The following NEDD9 variants were observed in gnomAD, a reference collection of about 807,000 sequenced individuals.
NEDD9 encodes the protein enhancer of filamentation 1.
Under a neutral mutation model 76.6 loss-of-function variants are expected in NEDD9, and 26 were observed. The observed-to-expected ratio is 0.34, with a 90% confidence interval of 0.25 to 0.47. NEDD9 has a LOEUF of 0.47. NEDD9 is among the 20% of genes least tolerant of loss of function. The pLI is 1.00. For missense variants in NEDD9, 937 were observed against 1,058.5 expected, an observed-to-expected ratio of 0.89 and a Z score of 1.59; for synonymous variants, 392 against 414.2, an observed-to-expected ratio of 0.95 and a Z score of 0.65.
upstream of NEDD9, chr6:11,233,437 C>T (rs1231162836): frequency 3.9e-6 from 2 of 518,902 alleles, no homozygotes; most frequent in East Asian, 5.4e-5. Flanking sequence ...TGGGGTTGGC[C>T]AGTGCACGCC....
At chr6:11,366,746 G>T (rs747286828) in intron 1 of NEDD9, among the ~76,000 whole-genome samples, 1 of 152,128 alleles carries the variant, frequency 6.6e-6, no homozygotes, top group Non-Finnish European at 1.5e-5. Flanking sequence ...ATGACTTAGG[G>T]GACCCAGGCT....
Position 11,185,361 on chromosome 6 carries a change from G to C in NEDD9, c.2306C>G (p.Ala769Gly). The C allele has an allele frequency of 1.2e-6, 2 of 1,614,210 alleles. No individual in the cohort carries two copies. Among genetic ancestry groups the C allele is most frequent in the Non-Finnish European group, 1.7e-6 (2 of 1,180,038 alleles). Reference sequence around the variant, plus strand: ...CATGACTTTGTTGCGAATGTCCTGGGCAGTCACCTGCCGTGTCAGCGTGTC... The same window carrying C: ...CATGACTTTGTTGCGAATGTCCTGGCCAGTCACCTGCCGTGTCAGCGTGTC... ...IGDTLTRQVT[A>G]QDIRNKVMNS... Residue 769 changes from alanine to glycine, a missense_variant, in exon 7 of 7, where the codon GCC becomes GGC. Transcript: ENST00000379446.
chr6:11,319,055 T>C (rs983924562), intron 2 of NEDD9, among the ~76,000 whole-genome samples: 1 of 152,270 alleles, frequency 6.6e-6, no homozygotes, highest in Non-Finnish European at 1.5e-5. Context: ...TTTATAATGC[T>C]TTTGTTATAA....
At chr6:11,322,182 C>T (rs946906071) in intron 2 of NEDD9, among the ~76,000 whole-genome samples, 3 of 151,976 alleles carry the variant, frequency 2.0e-5, no homozygotes, top group South Asian at 2.1e-4. Context: ...GTTGGTGGGC[C>T]GGGGGCAAGG....
chr6:11,322,881 G>A (rs1380615573), intron 2 of NEDD9, among the ~76,000 whole-genome samples: 3 of 152,176 alleles, frequency 2.0e-5, no homozygotes, highest in Non-Finnish European at 4.4e-5. Flanking sequence ...TGATAGAAAA[G>A]GTCTTAGACC....
chr6:11,239,721 A>G (rs985011981), intron 3 of NEDD9, among the ~76,000 whole-genome samples: 3 of 151,996 alleles, frequency 2.0e-5, no homozygotes, highest in African/African-American at 7.3e-5. Context: ...AATACATTCT[A>G]TTTTCTGAAA....
At chr6:11,247,212 A>G (rs1759828504) in intron 3 of NEDD9, among the ~76,000 whole-genome samples, 5 of 152,164 alleles carry the variant, frequency 3.3e-5, no homozygotes, top group Admixed American at 3.3e-4. Flanking sequence ...TCCTCCCTGC[A>G]TACTCAGCTC....
chr6:11,308,952 A>T (rs762919145), intron 2 of NEDD9, among the ~76,000 whole-genome samples: 1 of 152,248 alleles, frequency 6.6e-6, no homozygotes, highest in Non-Finnish European at 1.5e-5. Context: ...TTTGTATATA[A>T]GCAAAGCAGC....
intron 3 of NEDD9, among the ~76,000 whole-genome samples, chr6:11,276,987 A>G (rs1760431212): frequency 6.7e-6 from 1 of 149,086 alleles, no homozygotes; most frequent in Non-Finnish European, 1.5e-5. Context: ...TGGAAATGAA[A>G]ATAGAGTCAC....
intron 2 of NEDD9, among the ~76,000 whole-genome samples, chr6:11,208,697 CAACA>C (rs1349044984): frequency 6.6e-6 from 1 of 152,076 alleles, no homozygotes; most frequent in Non-Finnish European, 1.5e-5. Context: ...GAAAGAGGTA[CAACA>C]AATAGTTCCA....
At chr6:11,380,109 C>T (rs1022774565) in intron 1 of NEDD9, among the ~76,000 whole-genome samples, 5 of 152,176 alleles carry the variant, frequency 3.3e-5, no homozygotes, top group African/African-American at 1.2e-4. Context: ...AGGATCTTCC[C>T]CCACTACAAC....
chr6:11,359,197 G>C (rs980128551), intron 1 of NEDD9, among the ~76,000 whole-genome samples: 1 of 152,220 alleles, frequency 6.6e-6, no homozygotes, highest in Non-Finnish European at 1.5e-5. Context: ...AGGGTTTCAC[G>C]TGGGCAGGGT....
At chr6:11,246,151 A>G (rs1198710166) in intron 3 of NEDD9, among the ~76,000 whole-genome samples, 3 of 152,240 alleles carry the variant, frequency 2.0e-5, no homozygotes, top group Non-Finnish European at 4.4e-5. Context: ...AAAGGATAAA[A>G]GAATGTCATG....
At chr6:11,320,463 C>T (rs574531981) in intron 2 of NEDD9, among the ~76,000 whole-genome samples, 1 of 152,164 alleles carries the variant, frequency 6.6e-6, no homozygotes, top group Non-Finnish European at 1.5e-5. Context: ...CCACACGGTG[C>T]CTACGATAAG....
At chr6:11,353,278 T>C (rs1191852182) in intron 1 of NEDD9, among the ~76,000 whole-genome samples, 1 of 152,236 alleles carries the variant, frequency 6.6e-6, no homozygotes, top group East Asian at 1.9e-4. Context: ...TATTTGGAAA[T>C]AAGATCTTTG....
chr6:11,260,679 CT>C (rs1292601306), intron 3 of NEDD9, among the ~76,000 whole-genome samples: 1 of 152,162 alleles, frequency 6.6e-6, no homozygotes, highest in African/African-American at 2.4e-5. Context: ...AACATGTATG[CT>C]GGGTCCTAAG....
chr6:11,321,502 C>A (rs1233486130), intron 2 of NEDD9, among the ~76,000 whole-genome samples: 1 of 152,184 alleles, frequency 6.6e-6, no homozygotes, highest in Non-Finnish European at 1.5e-5. Flanking sequence ...TGTTTATCGG[C>A]AGATTTTCTT....
intron 1 of NEDD9, among the ~76,000 whole-genome samples, chr6:11,230,953 T>A (rs2113263931): frequency 6.6e-6 from 1 of 152,380 alleles, no homozygotes; most frequent in South Asian, 2.1e-4. Context: ...CACTCAATGT[T>A]AATTTCAGCC....
chr6:11,329,711 G>T (rs1761993818), intron 2 of NEDD9, among the ~76,000 whole-genome samples: 1 of 152,086 alleles, frequency 6.6e-6, no homozygotes, highest in Non-Finnish European at 1.5e-5. Flanking sequence ...GGGTCCCCTA[G>T]GGGACATTTA....
Sources: gnomAD v4.1 joint callset for allele counts (sites outside exome capture counted in the v4.1 genomes callset) on GRCh38, gnomAD v4.1.1 for gene constraint, MANE v1.5 for transcripts, NCBI Gene and HGNC (gene_info 2026-07-23, HGNC 2026-07-21) for gene names.